The following TMED10 variants were observed in gnomAD, a reference collection of about 807,000 sequenced individuals.
TMED10 encodes transmembrane emp24 domain-containing protein 10.
A neutral mutation model predicts 23.1 loss-of-function variants in TMED10; 7 were observed. That is an observed-to-expected ratio of 0.30 (90% CI 0.17 to 0.57). The LOEUF (loss-of-function observed/expected upper bound fraction) is 0.57. TMED10 is among the 20% of genes least tolerant of loss of function. TMED10 has a pLI of 0.91. For synonymous variants in TMED10, 113 were observed against 106.9 expected, an observed-to-expected ratio of 1.06 and a Z score of -0.35; for missense variants, 162 against 274.8, an observed-to-expected ratio of 0.59 and a Z score of 2.90.
Position 75,176,394 on chromosome 14 carries a change from G to A in TMED10, c.186C>T (p.Asp62=). Residue 62 remains aspartate, a synonymous_variant, in exon 1 of 5, where the codon GAC becomes GAT. Transcript: ENST00000303575. ...LLVTGAYEIS[D]QSGGAGGLRS... is the part of the protein sequence containing the mutation. Reference sequence around the variant, plus strand: ...GCAGGCCGCCAGCGCCCCCAGACTGGTCGGAGATCTCGTACGCGCCAGTCA... The same window carrying A: ...GCAGGCCGCCAGCGCCCCCAGACTGATCGGAGATCTCGTACGCGCCAGTCA... 1 of 1,614,240 alleles carries A rather than the reference G, an allele frequency of 6.2e-7. No homozygotes were observed.
intron 3 of TMED10, among the ~76,000 whole-genome samples, chr14:75,137,935 C>G (rs1365073249): frequency 1.3e-5 from 2 of 152,034 alleles, no homozygotes; most frequent in Non-Finnish European, 1.5e-5. Flanking sequence ...TCTTGAACTC[C>G]TAACCTCAGG....
At chr14:75,159,766 C>T (rs185889499) in intron 1 of TMED10, among the ~76,000 whole-genome samples, 16 of 152,172 alleles carry the variant, frequency 1.1e-4, no homozygotes, top group Admixed American at 5.9e-4. Context: ...AGCTGGTACT[C>T]CAAAGGGGTA....
At chr14:75,166,458 C>T (rs1896164418) in intron 1 of TMED10, among the ~76,000 whole-genome samples, 1 of 152,124 alleles carries the variant, frequency 6.6e-6, no homozygotes, top group South Asian at 2.1e-4. Context: ...TACTGGGTTA[C>T]CTTTATATAT....
rs35138830 is a variant in TMED10, at chr14:75,132,384, T to TCCCCC, written c.*2496_*2500dup. 2.8e-4 allele frequency: 15 copies of TCCCCC among 52,890 alleles called. No individual in the cohort carries two copies. The highest frequency in any genetic ancestry group is 1.0e-3 in the East Asian group (2 of 1,932). 3.3% of individuals were successfully genotyped at this position (52,890 alleles called of 1,614,324 possible). On this transcript the variant is annotated 3_prime_UTR_variant, in exon 5 of 5. Transcript: ENST00000303575. ...GCCTGGGCGTTGCAGCAAGACTCCG[T>TCCCCC]CCCCCCCCCCCCAAAAAAAAAAAAG...
chr14:75,166,495 T>A (rs1896164798), intron 1 of TMED10, among the ~76,000 whole-genome samples: 5 of 152,200 alleles, frequency 3.3e-5, no homozygotes. Context: ...GAAACCAGAC[T>A]CAGTCTTCAG....
intron 1 of TMED10, among the ~76,000 whole-genome samples, chr14:75,157,674 C>T (rs1321579012): frequency 6.6e-6 from 1 of 151,648 alleles, no homozygotes; most frequent in Non-Finnish European, 1.5e-5. Flanking sequence ...TGCAGTGGCC[C>T]ACACCTGTAA....
At chr14:75,145,364 G>A (rs1895870574) in intron 3 of TMED10, among the ~76,000 whole-genome samples, 1 of 152,110 alleles carries the variant, frequency 6.6e-6, no homozygotes, top group African/African-American at 2.4e-5. Context: ...AGGTATAGGG[G>A]TTCTAAAATG....
intron 1 of TMED10, among the ~76,000 whole-genome samples, chr14:75,165,088 T>C (rs1039468380): frequency 2.6e-5 from 4 of 152,114 alleles, no homozygotes; most frequent in Non-Finnish European, 5.9e-5. Flanking sequence ...TATATAATTA[T>C]CTCTACTCTT....
At chr14:75,155,496 CTTGA>C (rs1480937751) in intron 1 of TMED10, among the ~76,000 whole-genome samples, 1 of 152,150 alleles carries the variant, frequency 6.6e-6, no homozygotes, top group East Asian at 1.9e-4. Context: ...TGTTAATTAG[CTTGA>C]TTGTGGTATT....
In TMED10 at chr14:75,135,906, T is replaced by G; in HGVS notation, c.412-20A>C. On this transcript the variant is annotated intron_variant, in intron 3 of 4. Coordinates refer to ENST00000303575, the MANE Select transcript of TMED10 (RefSeq NM_006827.6). ...TGCAATCTGGAAAAGAATGGAATAT[T>G]TTCAGCTCTCTGAAAACATCGCTTC... 6.2e-7 allele frequency: 1 copy of G among 1,612,284 alleles called. No individual in the cohort carries two copies. The highest frequency in any genetic ancestry group is 8.5e-7 in the Non-Finnish European group (1 of 1,179,592).
chr14:75,149,059 G>A (rs913163677), intron 2 of TMED10, among the ~76,000 whole-genome samples: 1 of 152,216 alleles, frequency 6.6e-6, no homozygotes, highest in Non-Finnish European at 1.5e-5. Context: ...TGGGACTACA[G>A]GCGTGAGCCA....
At chr14:75,141,675 G>C (rs1044881615) in intron 3 of TMED10, among the ~76,000 whole-genome samples, 6 of 152,186 alleles carry the variant, frequency 3.9e-5, no homozygotes, top group African/African-American at 7.2e-5. Context: ...CCAAGTCTAT[G>C]TGAGTTTATT....
At chr14:75,164,036 C>T (rs1896118098) in intron 1 of TMED10, among the ~76,000 whole-genome samples, 1 of 151,964 alleles carries the variant, frequency 6.6e-6, no homozygotes, top group Non-Finnish European at 1.5e-5. Context: ...TAACTCAGAA[C>T]TCCATAAATA....
chr14:75,174,302 G>C lies in TMED10; in HGVS notation c.225+2053C>G, dbSNP rs1896272516. Among the ~76,000 whole-genome samples the C allele has an allele frequency of 2.0e-5, 3 of 152,118 alleles. 1 individual carries two copies. The South Asian group carries it at 6.2e-4, about 31-fold the overall frequency. The stretch of plus-strand genomic sequence containing the variant: ...TGGCTCCATGTAGAATGCAAAGTGG[G>C]AAGTGACCACACGTATAGCTCAGAA... On this transcript the variant is annotated intron_variant, in intron 1 of 4. Coordinates refer to ENST00000303575, the MANE Select transcript of TMED10 (RefSeq NM_006827.6).
chr14:75,160,644 A>C (rs1406028673), intron 1 of TMED10, among the ~76,000 whole-genome samples: 1 of 152,252 alleles, frequency 6.6e-6, no homozygotes, highest in Non-Finnish European at 1.5e-5. Flanking sequence ...AAACAAAGGT[A>C]ATACCAAGCT....
chr14:75,144,333 G>A (rs1895857361), intron 3 of TMED10, among the ~76,000 whole-genome samples: 1 of 152,212 alleles, frequency 6.6e-6, no homozygotes, highest in African/African-American at 2.4e-5. Context: ...AAGTGAGACA[G>A]TGGTCAGAGG....
intron 3 of TMED10, among the ~76,000 whole-genome samples, chr14:75,138,149 A>T (rs1385859746): frequency 6.6e-6 from 1 of 152,104 alleles, no homozygotes; most frequent in African/African-American, 2.4e-5. Flanking sequence ...TTAACAAGGG[A>T]TGAATAGGAG....
At chr14:75,163,779 C>T (rs1896114870) in intron 1 of TMED10, among the ~76,000 whole-genome samples, 1 of 151,872 alleles carries the variant, frequency 6.6e-6, no homozygotes, top group South Asian at 2.1e-4. Flanking sequence ...GTACATACAT[C>T]ATAAGGTTAT....
chr14:75,137,500 G>A (rs1195523549), intron 3 of TMED10, among the ~76,000 whole-genome samples: 4 of 146,944 alleles, frequency 2.7e-5, no homozygotes, highest in African/African-American at 7.4e-5. Flanking sequence ...GTGAAACCCC[G>A]TCTCTACTAA....
Sources: allele counts gnomAD v4.1 joint callset (sites outside exome capture counted in the v4.1 genomes callset), GRCh38; gene constraint gnomAD v4.1.1; transcripts MANE v1.5; gene names NCBI Gene and HGNC (gene_info 2026-07-23, HGNC 2026-07-21).